Variants in SLC71A2 observed in about 807,000 individuals in gnomAD.
SLC71A2 encodes the protein hippocampus abundant transcript-like 1.
chr9:94,411,591 C>A, the SLC71A2 span, among the ~76,000 whole-genome samples: 1 of 144,758 alleles, frequency 6.9e-6, no homozygotes, highest in Non-Finnish European at 1.6e-5. Context: ...ATTCGTTAGC[C>A]GATTTTTTTT....
the SLC71A2 span, among the ~76,000 whole-genome samples, chr9:94,388,583 A>G: frequency 6.6e-6 from 1 of 152,200 alleles, no homozygotes; most frequent in African/African-American, 2.4e-5. Flanking sequence ...AAATGACTAT[A>G]TGCCTATTGA....
chr9:94,381,632 TAGG>T, the SLC71A2 span, among the ~76,000 whole-genome samples: 8 of 152,062 alleles, frequency 5.3e-5, no homozygotes, highest in African/African-American at 1.4e-4. Flanking sequence ...TAAAAGTAAA[TAGG>T]AGTGAAATGG....
At chr9:94,429,256 GA>G in the SLC71A2 span, 1 of 1,592,184 alleles carries the variant, frequency 6.3e-7, no homozygotes, top group Admixed American at 1.9e-5. Flanking sequence ...GTAAAGGTAA[GA>G]AAAAATTTTT....
chr9:94,426,196 G>A, the SLC71A2 span, among the ~76,000 whole-genome samples: 2 of 150,618 alleles, frequency 1.3e-5, no homozygotes, highest in Non-Finnish European at 2.9e-5. Flanking sequence ...CGTCCTTTTT[G>A]AATCTCATTC....
chr9:94,399,694 C>G, the SLC71A2 span, among the ~76,000 whole-genome samples: 1 of 152,118 alleles, frequency 6.6e-6, no homozygotes, highest in South Asian at 2.1e-4. Flanking sequence ...GTACAACTTT[C>G]AACTATAGCA....
chr9:94,395,253 A>G, the SLC71A2 span, among the ~76,000 whole-genome samples: 2 of 152,094 alleles, frequency 1.3e-5, no homozygotes, highest in Non-Finnish European at 2.9e-5. Flanking sequence ...CTAGTTTTCA[A>G]TTTGAATGTA....
the SLC71A2 span, among the ~76,000 whole-genome samples, chr9:94,458,762 T>C: frequency 6.6e-6 from 1 of 152,184 alleles, no homozygotes; most frequent in Admixed American, 6.5e-5. Context: ...AAAATCCAGC[T>C]AAAAATTGAG....
the SLC71A2 span, among the ~76,000 whole-genome samples, chr9:94,448,494 G>T: frequency 6.6e-6 from 1 of 152,124 alleles, no homozygotes; most frequent in Non-Finnish European, 1.5e-5. Context: ...GGTTTACTTT[G>T]ACACAGCAAG....
chr9:94,397,404 T>C, the SLC71A2 span, among the ~76,000 whole-genome samples: 30,145 of 151,698 alleles, frequency 0.2, 3,234 homozygotes, highest in African/African-American at 0.28. Context: ...CAAGACCAGC[T>C]TGGGCATCGC....
At chr9:94,438,538 T>G in the SLC71A2 span, 1 of 1,606,328 alleles carries the variant, frequency 6.2e-7, no homozygotes, top group Non-Finnish European at 8.5e-7. Flanking sequence ...GGTGAGTGAC[T>G]TGGCCCTTCA....
chr9:94,437,244 T>C, the SLC71A2 span, among the ~76,000 whole-genome samples: 1 of 141,384 alleles, frequency 7.1e-6, no homozygotes, highest in African/African-American at 2.7e-5. Context: ...TTTTAAGATG[T>C]ATCATGAAAA....
the SLC71A2 span, chr9:94,458,429 G>A: frequency 6.2e-7 from 1 of 1,613,942 alleles, no homozygotes; most frequent in Admixed American, 1.7e-5. Context: ...GACTGAGTTG[G>A]GCCCGAAATT....
At chr9:94,436,579 T>A in the SLC71A2 span, among the ~76,000 whole-genome samples, 1 of 152,156 alleles carries the variant, frequency 6.6e-6, no homozygotes, top group African/African-American at 2.4e-5. Context: ...ATTTGCCTAT[T>A]AAACTTTCCC....
chr9:94,441,495 C>T, the SLC71A2 span, among the ~76,000 whole-genome samples: 1 of 152,180 alleles, frequency 6.6e-6, no homozygotes, highest in Non-Finnish European at 1.5e-5. Context: ...AGAAACTACC[C>T]CCATGATCCA....
chr9:94,444,947 A>T, the SLC71A2 span: 3 of 1,611,674 alleles, frequency 1.9e-6, no homozygotes, highest in South Asian at 3.3e-5. Context: ...CCTGGGTGAG[A>T]GTGTGCTTTC....
At chr9:94,378,566 GCA>G in the SLC71A2 span, among the ~76,000 whole-genome samples, 1 of 151,990 alleles carries the variant, frequency 6.6e-6, no homozygotes, top group South Asian at 2.1e-4. Flanking sequence ...AGGCGCCACT[GCA>G]CTCCACCCTG....
At chr9:94,439,632 T>C in the SLC71A2 span, among the ~76,000 whole-genome samples, 5 of 151,982 alleles carry the variant, frequency 3.3e-5, no homozygotes, top group African/African-American at 1.2e-4. Flanking sequence ...TCTAAATTTA[T>C]TGGGTACTTA....
the SLC71A2 span, among the ~76,000 whole-genome samples, chr9:94,423,903 C>T: frequency 6.6e-6 from 1 of 151,614 alleles, no homozygotes; most frequent in Non-Finnish European, 1.5e-5. Flanking sequence ...TTTATTTTTG[C>T]TTATGGTTAG....
At chr9:94,379,597 T>C in the SLC71A2 span, among the ~76,000 whole-genome samples, 1 of 151,506 alleles carries the variant, frequency 6.6e-6, no homozygotes, top group Admixed American at 6.6e-5. Context: ...CACTGTGTTG[T>C]CCAGGCTTGT....
Sources: gnomAD v4.1 joint callset for allele counts (sites outside exome capture counted in the v4.1 genomes callset) on GRCh38, gnomAD v4.1.1 for gene constraint, MANE v1.5 for transcripts, NCBI Gene and HGNC (gene_info 2026-07-23, HGNC 2026-07-21) for gene names.